Variants in TNR observed in about 807,000 individuals in gnomAD.
The protein encoded by TNR is tenascin R.
In TNR, 45 loss-of-function variants were observed where a neutral mutation model predicts 150.4. That is an observed-to-expected ratio of 0.30 (90% CI 0.24 to 0.38). TNR has a LOEUF of 0.38. Among genes scored for constraint, TNR ranks in the 10% least tolerant of loss-of-function variants. The pLI, the probability that TNR is intolerant of heterozygous loss-of-function variation, is 1.00. For missense variants in TNR, 1,544 were observed against 1,759.1 expected (o/e 0.88, Z 2.19); for synonymous variants, 687 against 678.4 (o/e 1.01, Z -0.20).
At chr1:175,577,130 A>C (rs775265272) in intron 1 of TNR, among the ~76,000 whole-genome samples, 4 of 152,108 alleles carry the variant, frequency 2.6e-5, no homozygotes, top group Non-Finnish European at 5.9e-5. Flanking sequence ...GTAAGCATAT[A>C]TAGGGTACAA....
chr1:175,515,181 G>A (rs1659350365), intron 2 of TNR, among the ~76,000 whole-genome samples: 1 of 152,156 alleles, frequency 6.6e-6, no homozygotes, highest in East Asian at 1.9e-4. Context: ...ATTATTTCTT[G>A]TATTCTGTCA....
intron 1 of TNR, among the ~76,000 whole-genome samples, chr1:175,724,731 G>A (rs1667431680): frequency 6.6e-6 from 1 of 152,166 alleles, no homozygotes; most frequent in Non-Finnish European, 1.5e-5. Flanking sequence ...GAGAAACTTA[G>A]AAGGTTCTAT....
chr1:175,598,353 T>A (rs192944371), intron 1 of TNR, among the ~76,000 whole-genome samples: 1 of 152,370 alleles, frequency 6.6e-6, no homozygotes, highest in East Asian at 1.9e-4. Flanking sequence ...AATGACTTGA[T>A]CAAGATCACT....
chr1:175,393,997 T>C, intron 5 of TNR, 102 bp from the exon 6 acceptor site: 3 of 863,256 alleles, frequency 3.5e-6, no homozygotes, highest in Non-Finnish European at 5.7e-6. Context: ...GCCATGGGCG[T>C]GGTGGTGTCT....
rs560401971 is a variant in TNR, at chr1:175,575,645, CTT to C, written c.-164-47278_-164-47277del. On this transcript the variant is annotated intron_variant, in intron 1 of 22. Transcript: ENST00000367674. ...CCTCAGATTGGGTAGTGAGGAAAGACTTTGTGGAGGTTTGGACTTGAGATGGG... is the reference window on the plus strand; with the variant it reads ...CCTCAGATTGGGTAGTGAGGAAAGACTGTGGAGGTTTGGACTTGAGATGGG... Among the ~76,000 whole-genome samples the C allele has an allele frequency of 9.9e-4, 151 of 152,202 alleles. 1 individual carries two copies. Among genetic ancestry groups the C allele is most frequent in the Non-Finnish European group, 2.0e-3 (133 of 68,012 alleles).
intron 1 of TNR, among the ~76,000 whole-genome samples, chr1:175,635,150 G>A (rs929746566): frequency 2.6e-5 from 4 of 152,166 alleles, no homozygotes; most frequent in Non-Finnish European, 5.9e-5. Flanking sequence ...CATGTGTGAG[G>A]GTCACCCTGC....
At chr1:175,732,779 G>C (rs760435416) in intron 1 of TNR, among the ~76,000 whole-genome samples, 11 of 152,288 alleles carry the variant, frequency 7.2e-5, no homozygotes, top group Middle Eastern at 3.4e-3. Flanking sequence ...TTTGTGTCTT[G>C]GTTTCCTCAC....
chr1:175,658,789 T>C (rs1665271987), intron 1 of TNR, among the ~76,000 whole-genome samples: 1 of 152,174 alleles, frequency 6.6e-6, no homozygotes, highest in African/African-American at 2.4e-5. Flanking sequence ...GAAGACAGAA[T>C]TTCTCCTTTC....
At chr1:175,515,049 C>T (rs1659344129) in intron 2 of TNR, among the ~76,000 whole-genome samples, 1 of 152,188 alleles carries the variant, frequency 6.6e-6, no homozygotes. Context: ...AAGTCTTCAC[C>T]AACTGAATGT....
At chr1:175,615,410 A>C (rs1663738515) in intron 1 of TNR, among the ~76,000 whole-genome samples, 2 of 152,168 alleles carry the variant, frequency 1.3e-5, no homozygotes, top group African/African-American at 4.8e-5. Context: ...TTGGGAGAGG[A>C]GGGATCAGGC....
intron 2 of TNR, among the ~76,000 whole-genome samples, chr1:175,484,464 T>A (rs530508775): frequency 6.6e-6 from 1 of 152,174 alleles, no homozygotes; most frequent in Admixed American, 6.5e-5. Context: ...CCTTTTGCAG[T>A]CCACTCTTTC....
At chr1:175,732,063 C>T (rs902434016) in intron 1 of TNR, among the ~76,000 whole-genome samples, 2 of 152,188 alleles carry the variant, frequency 1.3e-5, no homozygotes, top group Middle Eastern at 3.2e-3. Context: ...GCCCCATATC[C>T]CCACCAGCAC....
intron 1 of TNR, among the ~76,000 whole-genome samples, chr1:175,734,019 T>C (rs1281661188): frequency 6.6e-6 from 1 of 152,154 alleles, no homozygotes; most frequent in Non-Finnish European, 1.5e-5. Context: ...CTCAGAGGCC[T>C]TGCAGCCAGG....
intron 1 of TNR, among the ~76,000 whole-genome samples, chr1:175,555,515 G>GGAAAAAAAA (rs771916145): frequency 7.8e-6 from 1 of 127,880 alleles, no homozygotes; most frequent in Non-Finnish European, 1.6e-5. Context: ...ACAACTGAGA[G>GGAAAAAAAA]AAAAAAAAAA....
intron 1 of TNR, among the ~76,000 whole-genome samples, chr1:175,566,032 T>G (rs553884143): frequency 3.3e-4 from 51 of 152,322 alleles, no homozygotes; most frequent in Non-Finnish European, 6.6e-4. Context: ...CCTGGTTGAT[T>G]GTTTTGTGTT....
At chr1:175,374,800 G>A (rs1571354419) in intron 9 of TNR, among the ~76,000 whole-genome samples, 1 of 152,192 alleles carries the variant, frequency 6.6e-6, no homozygotes, top group South Asian at 2.1e-4. Flanking sequence ...TGCGATGAAC[G>A]GGCCCTGGGT....
At chr1:175,496,921 C>G (rs1354463418) in intron 2 of TNR, among the ~76,000 whole-genome samples, 1 of 152,214 alleles carries the variant, frequency 6.6e-6, no homozygotes, top group Non-Finnish European at 1.5e-5. Context: ...AGTGGAATCA[C>G]TGTCCTCATT....
rs887363636 is a variant in TNR at position 175,458,428 on chromosome 1, A to G, written c.-63-51651T>C. Reference sequence around the variant, plus strand: ...CAAGGAGCTTACAATCTGGTTGGGGAGGTCAAACATATACACAAGCTAAAA... The same window carrying G: ...CAAGGAGCTTACAATCTGGTTGGGGGGGTCAAACATATACACAAGCTAAAA... On this transcript the variant is annotated intron_variant, in intron 2 of 22. Coordinates refer to ENST00000367674, the MANE Select transcript of TNR (RefSeq NM_003285.3). Among the ~76,000 whole-genome samples the G allele has an allele frequency of 2.6e-5, 4 of 152,206 alleles. No homozygotes were observed. The East Asian group carries it at 5.8e-4, about 22-fold the overall frequency.
chr1:175,355,703 G>A (rs2102006196), intron 16 of TNR, 70 bp from the exon 17 acceptor site: 4 of 1,596,490 alleles, frequency 2.5e-6, no homozygotes, highest in Non-Finnish European at 3.4e-6. Context: ...TTTCAGGTAT[G>A]GGTATCTGTT....
Sources: gnomAD v4.1 joint callset for allele counts (sites outside exome capture counted in the v4.1 genomes callset) on GRCh38, gnomAD v4.1.1 for gene constraint, MANE v1.5 for transcripts, NCBI Gene and HGNC (gene_info 2026-07-23, HGNC 2026-07-21) for gene names.